The following NKAIN3 variants were observed in gnomAD, a reference collection of about 807,000 sequenced individuals.
NKAIN3 encodes sodium/potassium-transporting ATPase subunit beta-1-interacting protein 3.
Under a neutral mutation model 30.2 loss-of-function variants are expected in NKAIN3, and 25 were observed. The ratio of observed to expected loss-of-function variants is 0.83; its 90% CI spans 0.60 to 1.16. The LOEUF (loss-of-function observed/expected upper bound fraction) is 1.16, where lower values mean the gene tolerates loss of function less well. NKAIN3 is among the 50% of genes most tolerant of loss of function. The pLI is 0.00. For synonymous variants in NKAIN3, 91 were observed against 89.6 expected, an observed-to-expected ratio of 1.02 and a Z score of -0.09; for missense variants, 225 against 254.1, an observed-to-expected ratio of 0.89 and a Z score of 0.78.
intron 1 of NKAIN3, among the ~76,000 whole-genome samples, chr8:62,333,121 G>T (rs1054993885): frequency 7.2e-5 from 11 of 152,076 alleles, no homozygotes; most frequent in African/African-American, 2.4e-4. Context: ...GTACAGAAAT[G>T]TGTAATTTCT....
intron 3 of NKAIN3, among the ~76,000 whole-genome samples, chr8:62,626,496 T>C (rs1811791681): frequency 6.6e-6 from 1 of 151,972 alleles, no homozygotes; most frequent in South Asian, 2.1e-4. Context: ...ATTCCAGAAG[T>C]CCTATTCAGC....
At chr8:62,394,707 C>T (rs1255779831) in intron 1 of NKAIN3, among the ~76,000 whole-genome samples, 3 of 150,878 alleles carry the variant, frequency 2.0e-5, no homozygotes, top group African/African-American at 4.9e-5. Context: ...GACGGTGGGG[C>T]GGCCAAGCAG....
At chr8:62,718,329 G>A (rs1814974400) in intron 3 of NKAIN3, among the ~76,000 whole-genome samples, 1 of 152,178 alleles carries the variant, frequency 6.6e-6, no homozygotes, top group East Asian at 1.9e-4. Flanking sequence ...ATATAACTGT[G>A]AAGTTAACTG....
At chr8:62,946,715 G>A (rs746983867) in intron 5 of NKAIN3, among the ~76,000 whole-genome samples, 1 of 152,110 alleles carries the variant, frequency 6.6e-6, no homozygotes, top group African/African-American at 2.4e-5. Flanking sequence ...GCTGGACTTG[G>A]CAACTTGTAA....
At chr8:62,518,089 A>G (rs1808048427) in intron 1 of NKAIN3, among the ~76,000 whole-genome samples, 1 of 152,174 alleles carries the variant, frequency 6.6e-6, no homozygotes, top group South Asian at 2.1e-4. Context: ...GGCCAGGCAC[A>G]GTGGCTCACA....
intron 3 of NKAIN3, among the ~76,000 whole-genome samples, chr8:62,611,459 T>A (rs866100083): frequency 6.6e-6 from 1 of 152,148 alleles, no homozygotes; most frequent in East Asian, 1.9e-4. Context: ...AGACTCCCGC[T>A]CTGGAAATCA....
intron 1 of NKAIN3, among the ~76,000 whole-genome samples, chr8:62,322,109 G>A (rs530711397): frequency 1.8e-3 from 277 of 152,310 alleles, no homozygotes; most frequent in African/African-American, 6.3e-3. Context: ...GGCTCTGTGG[G>A]CGTAGGACCC....
intron 1 of NKAIN3, among the ~76,000 whole-genome samples, chr8:62,455,038 G>A (rs941333502): frequency 6.6e-6 from 1 of 152,168 alleles, no homozygotes; most frequent in East Asian, 1.9e-4. Flanking sequence ...AATTCTTCAT[G>A]CTCAGGAAAA....
chr8:62,645,961 C>T (rs2130313560), intron 3 of NKAIN3, among the ~76,000 whole-genome samples: 1 of 152,134 alleles, frequency 6.6e-6, no homozygotes, highest in South Asian at 2.1e-4. Context: ...GAAAATAATA[C>T]TGCTCTCAAA....
At chr8:62,900,546 G>A (rs1821582750) in intron 4 of NKAIN3, among the ~76,000 whole-genome samples, 1 of 152,164 alleles carries the variant, frequency 6.6e-6, no homozygotes, top group Non-Finnish European at 1.5e-5. Flanking sequence ...ATTAAACTCT[G>A]TGCCTCAATT....
intron 1 of NKAIN3, among the ~76,000 whole-genome samples, chr8:62,342,564 A>C (rs1350886248): frequency 1.3e-5 from 2 of 152,098 alleles, no homozygotes; most frequent in African/African-American, 2.4e-5. Context: ...ACTGCTGGGC[A>C]TCAGGTTGCC....
chr8:62,530,011 A>G (rs1190708559), intron 1 of NKAIN3, among the ~76,000 whole-genome samples: 2 of 152,168 alleles, frequency 1.3e-5, no homozygotes, highest in African/African-American at 2.4e-5. Context: ...GCACTGACTC[A>G]GTTTGGTTAC....
intron 1 of NKAIN3, among the ~76,000 whole-genome samples, chr8:62,267,710 C>T (rs1044400616): frequency 1.3e-5 from 2 of 152,122 alleles, no homozygotes; most frequent in African/African-American, 4.8e-5. Flanking sequence ...TATTATGTTT[C>T]CTACACCATC....
At chr8:62,534,807 C>T (rs1406674685) in intron 1 of NKAIN3, among the ~76,000 whole-genome samples, 2 of 151,602 alleles carry the variant, frequency 1.3e-5, no homozygotes, top group African/African-American at 2.4e-5. Context: ...CCCCTGCCTG[C>T]CAGGGAAGTG....
intron 5 of NKAIN3, among the ~76,000 whole-genome samples, chr8:62,994,231 C>G (rs1408108994): frequency 1.3e-5 from 2 of 152,178 alleles, no homozygotes; most frequent in African/African-American, 4.8e-5. Flanking sequence ...CAGGGGAAAA[C>G]TGCTTACATA....
intron 4 of NKAIN3, among the ~76,000 whole-genome samples, chr8:62,905,125 T>TA (rs1342203458): frequency 3.3e-5 from 5 of 152,146 alleles, no homozygotes; most frequent in South Asian, 4.2e-4. Flanking sequence ...ATGGATCAAC[T>TA]AAAAAAATCA....
intron 4 of NKAIN3, among the ~76,000 whole-genome samples, chr8:62,808,124 T>G (rs1818364775): frequency 6.6e-6 from 1 of 152,158 alleles, no homozygotes; most frequent in Non-Finnish European, 1.5e-5. Flanking sequence ...CCTTATTTAT[T>G]AGGGGCACAA....
At chr8:62,278,066 A>AC (rs1212592076) in intron 1 of NKAIN3, among the ~76,000 whole-genome samples, 1 of 152,154 alleles carries the variant, frequency 6.6e-6, no homozygotes, top group African/African-American at 2.4e-5. Context: ...ATAGAGAGGA[A>AC]CAAGGCGTTG....
intron 3 of NKAIN3, among the ~76,000 whole-genome samples, chr8:62,707,596 T>C (rs2130484685): frequency 6.6e-6 from 1 of 152,274 alleles, no homozygotes; most frequent in South Asian, 2.1e-4. Flanking sequence ...TACTGATTTG[T>C]TTGAGTTCAT....
Sources: gnomAD v4.1 joint callset for allele counts (sites outside exome capture counted in the v4.1 genomes callset) on GRCh38, gnomAD v4.1.1 for gene constraint, MANE v1.5 for transcripts, NCBI Gene and HGNC (gene_info 2026-07-23, HGNC 2026-07-21) for gene names.